CNTNAP2: variants seen among roughly 807,000 people sequenced by gnomAD.
CNTNAP2 encodes contactin-associated protein-like 2.
CNTNAP2 carries 98 observed loss-of-function variants against 155.2 expected under a neutral mutation model. The observed-to-expected ratio is 0.63, with a 90% confidence interval of 0.54 to 0.75. The LOEUF (loss-of-function observed/expected upper bound fraction) is 0.75. CNTNAP2 is among the 30% of genes least tolerant of loss of function. CNTNAP2 has a pLI of 0.00. For missense variants in CNTNAP2, 1,727 were observed against 1,688.1 expected, an observed-to-expected ratio of 1.02 and a Z score of -0.40; for synonymous variants, 651 against 631.2, an observed-to-expected ratio of 1.03 and a Z score of -0.47.
chr7:146,190,024 G>A (rs1266234820), intron 1 of CNTNAP2, among the ~76,000 whole-genome samples: 1 of 151,922 alleles, frequency 6.6e-6, no homozygotes, highest in African/African-American at 2.4e-5. Flanking sequence ...AATCTTCTGA[G>A]AACATACGTT....
At chr7:147,261,150 T>C (rs1804455755) in intron 8 of CNTNAP2, among the ~76,000 whole-genome samples, 1 of 152,214 alleles carries the variant, frequency 6.6e-6, no homozygotes, top group Non-Finnish European at 1.5e-5. Flanking sequence ...ATATAGCTAG[T>C]AATGCCCTTC....
chr7:146,957,726 C>T (rs1797465344), intron 3 of CNTNAP2, among the ~76,000 whole-genome samples: 1 of 152,052 alleles, frequency 6.6e-6, no homozygotes, highest in Non-Finnish European at 1.5e-5. Flanking sequence ...TTTCAGATTG[C>T]ATGCCTGTAT....
intron 4 of CNTNAP2, among the ~76,000 whole-genome samples, chr7:147,056,977 T>G (rs1018797982): frequency 6.6e-6 from 1 of 151,840 alleles, no homozygotes; most frequent in Non-Finnish European, 1.5e-5. Flanking sequence ...GGGTTATTTT[T>G]TTTTTGGTTT....
chr7:146,905,136 C>T (rs541392462), intron 3 of CNTNAP2, among the ~76,000 whole-genome samples: 13 of 152,124 alleles, frequency 8.5e-5, no homozygotes, highest in Middle Eastern at 3.4e-3. Flanking sequence ...TGCCTACCTC[C>T]GCCCCTACTC....
intron 10 of CNTNAP2, among the ~76,000 whole-genome samples, chr7:147,440,921 T>A (rs1797625981): frequency 6.6e-6 from 1 of 152,142 alleles, no homozygotes; most frequent in African/African-American, 2.4e-5. Context: ...TGGAGTTTGA[T>A]TATTAAAAGC....
chr7:147,444,546 A>G lies in CNTNAP2; in HGVS notation c.1671-41389A>G, dbSNP rs146822573. Among the ~76,000 whole-genome samples, 15 of 130,176 alleles carry G rather than the reference A, an allele frequency of 1.2e-4. No individual in the cohort carries two copies. In the East Asian group the frequency reaches 3.1e-3, roughly 27 times the overall value. 85.4% of individuals were successfully genotyped at this position (130,176 alleles called of 152,430 possible). A position where few individuals can be genotyped will look rare whatever the true frequency, so the allele number is the denominator to read the frequency against. Reference sequence around the variant, plus strand: ...TTTTCTTTTTTTTTTTTTTTTTACTAGCATCATTCCCCTTAGTCACTAAGA... The same window carrying G: ...TTTTCTTTTTTTTTTTTTTTTTACTGGCATCATTCCCCTTAGTCACTAAGA... On this transcript the variant is annotated intron_variant, in intron 10 of 23. Coordinates refer to ENST00000361727, the MANE Select transcript of CNTNAP2 (RefSeq NM_014141.6).
intron 10 of CNTNAP2, among the ~76,000 whole-genome samples, chr7:147,407,190 C>T (rs1488839879): frequency 2.0e-5 from 3 of 152,076 alleles, no homozygotes; most frequent in South Asian, 2.1e-4. Flanking sequence ...CACATAAGGC[C>T]GGGTGCAGTG....
intron 1 of CNTNAP2, among the ~76,000 whole-genome samples, chr7:146,365,034 A>G (rs1795135734): frequency 6.6e-6 from 1 of 152,138 alleles, no homozygotes; most frequent in Non-Finnish European, 1.5e-5. Flanking sequence ...CCATAAGAAA[A>G]CTGTATGGTT....
Position 146,407,140 on chromosome 7 carries a change from C to T in CNTNAP2, c.97+290167C>T, listed in dbSNP as rs904541428. On this transcript the variant is annotated intron_variant, in intron 1 of 23. Transcript: ENST00000361727. The stretch of plus-strand genomic sequence containing the variant: ...ACAGTAGACACAGAATAAAACTGTG[C>T]TTTTCTAATTTTGTCTAAGGTTTTC... Among the ~76,000 whole-genome samples the T allele has an allele frequency of 4.6e-5, 7 of 152,186 alleles. No homozygotes were observed. The East Asian group carries it at 1.4e-3, about 29-fold the overall frequency.
chr7:148,030,224 C>T (rs1277286074), intron 15 of CNTNAP2, among the ~76,000 whole-genome samples: 2 of 152,244 alleles, frequency 1.3e-5, no homozygotes, highest in South Asian at 2.1e-4. Context: ...TATTCTGTGT[C>T]ATCAACAAAG....
chr7:146,903,522 C>G (rs1796049303), intron 3 of CNTNAP2, among the ~76,000 whole-genome samples: 1 of 152,170 alleles, frequency 6.6e-6, no homozygotes, highest in Non-Finnish European at 1.5e-5. Flanking sequence ...TTAGAAATGA[C>G]AACTTTGTTC....
chr7:146,931,465 A>C (rs1050978271), intron 3 of CNTNAP2, among the ~76,000 whole-genome samples: 38 of 149,460 alleles, frequency 2.5e-4, no homozygotes, highest in Admixed American at 4.6e-4. Context: ...ATAGCACTAA[A>C]TGCCCACAAA....
At chr7:147,149,339 C>T (rs1801778959) in intron 8 of CNTNAP2, among the ~76,000 whole-genome samples, 1 of 152,166 alleles carries the variant, frequency 6.6e-6, no homozygotes, top group Admixed American at 6.5e-5. Flanking sequence ...AATCCTCTAG[C>T]TAGACACAGA....
intron 4 of CNTNAP2, among the ~76,000 whole-genome samples, chr7:147,092,646 C>A (rs1800430787): frequency 6.6e-6 from 1 of 152,046 alleles, no homozygotes; most frequent in South Asian, 2.1e-4. Context: ...GAAAAGTAGG[C>A]AATCATCAAA....
intron 1 of CNTNAP2, among the ~76,000 whole-genome samples, chr7:146,565,435 T>C (rs1798343102): frequency 6.6e-6 from 1 of 152,180 alleles, no homozygotes; most frequent in Non-Finnish European, 1.5e-5. Context: ...AGGGATCCTT[T>C]CCAGGGATCC....
intron 11 of CNTNAP2, among the ~76,000 whole-genome samples, chr7:147,543,300 T>C (rs1215268764): frequency 6.6e-6 from 1 of 152,228 alleles, no homozygotes; most frequent in Non-Finnish European, 1.5e-5. Flanking sequence ...AGAATGCCTT[T>C]AAGCGGTTTT....
In CNTNAP2 at chr7:148,037,784, GA is replaced by G. The variant is rs373944814; in HGVS notation, c.2383+59797del. On this transcript the variant is annotated intron_variant, in intron 15 of 23. Coordinates refer to ENST00000361727, the MANE Select transcript of CNTNAP2 (RefSeq NM_014141.6). Reference sequence around the variant, plus strand: ...ATTAAAGCTTATCATAGACATGTATGAATAGGAAAAAAACATAGTATACACA... The same window carrying G: ...ATTAAAGCTTATCATAGACATGTATGATAGGAAAAAAACATAGTATACACA... 2.8e-4 allele frequency among the ~76,000 whole-genome samples: 42 copies of G among 152,202 alleles called. No homozygotes were observed. The East Asian group carries it at 5.6e-3, about 20-fold the overall frequency.
At chr7:146,711,223 TTATA>T (rs1465028910) in intron 1 of CNTNAP2, among the ~76,000 whole-genome samples, 5 of 147,696 alleles carry the variant, frequency 3.4e-5, no homozygotes, top group African/African-American at 9.8e-5. Context: ...CACATATATT[TTATA>T]TATACATATA....
At chr7:146,232,685 C>A (rs1187758938) in intron 1 of CNTNAP2, among the ~76,000 whole-genome samples, 3 of 152,102 alleles carry the variant, frequency 2.0e-5, no homozygotes, top group Admixed American at 6.5e-5. Context: ...TCTCTAATAA[C>A]CCTATACACT....
Sources: allele counts gnomAD v4.1 joint callset (sites outside exome capture counted in the v4.1 genomes callset), GRCh38; gene constraint gnomAD v4.1.1; transcripts MANE v1.5; gene names NCBI Gene and HGNC (gene_info 2026-07-23, HGNC 2026-07-21).